ANO4: variants seen among roughly 807,000 people sequenced by gnomAD.
ANO4 encodes the protein anoctamin-4.
Under a neutral mutation model 141.9 loss-of-function variants are expected in ANO4, and 69 were observed. The observed-to-expected ratio is 0.49, with a 90% confidence interval of 0.40 to 0.59. The LOEUF (loss-of-function observed/expected upper bound fraction) is 0.59, where lower values mean the gene tolerates loss of function less well. ANO4 is among the 20% of genes least tolerant of loss of function. The pLI is 0.00. For missense variants in ANO4, 894 were observed against 1,162.2 expected (o/e 0.77, Z 3.36); for synonymous variants, 350 against 394.3 (o/e 0.89, Z 1.33).
intron 8 of ANO4, among the ~76,000 whole-genome samples, chr12:101,019,554 C>A (rs553755176): frequency 3.3e-5 from 5 of 152,296 alleles, no homozygotes; most frequent in Non-Finnish European, 7.4e-5. Context: ...AGACTGGCCT[C>A]TCACCTCACC....
chr12:100,775,987 G>C (rs2033488981), intron 3 of ANO4, among the ~76,000 whole-genome samples: 1 of 152,000 alleles, frequency 6.6e-6, no homozygotes, highest in African/African-American at 2.4e-5. Context: ...GCAGCACTGA[G>C]AAAAAAAGCT....
chr12:100,885,026 C>G (rs1345469487), intron 1 of ANO4, among the ~76,000 whole-genome samples: 1 of 152,222 alleles, frequency 6.6e-6, no homozygotes, highest in Non-Finnish European at 1.5e-5. Context: ...AGGGCTGCCA[C>G]ATCCCTAGAC....
intron 2 of ANO4, among the ~76,000 whole-genome samples, chr12:100,905,709 G>A (rs562268787): frequency 4.0e-4 from 61 of 152,258 alleles, no homozygotes; most frequent in Admixed American, 9.8e-4. Context: ...GCAGCAGCTG[G>A]AGGAGAAGTA....
chr12:100,851,255 ATCT>A (rs1475999766), intron 1 of ANO4, among the ~76,000 whole-genome samples: 1 of 152,152 alleles, frequency 6.6e-6, no homozygotes, highest in African/African-American at 2.4e-5. Flanking sequence ...GCACAATTAT[ATCT>A]TCTTGTTTAC....
At chr12:101,123,571 T>G (rs1193337324) in intron 26 of ANO4, among the ~76,000 whole-genome samples, 11 of 151,664 alleles carry the variant, frequency 7.3e-5, no homozygotes, top group Non-Finnish European at 1.5e-5. Flanking sequence ...ACATGTGGTA[T>G]TTGGTTTTCT....
At chr12:101,112,347 G>A (rs533089219) in intron 24 of ANO4, among the ~76,000 whole-genome samples, 27 of 152,202 alleles carry the variant, frequency 1.8e-4, no homozygotes, top group African/African-American at 5.8e-4. Context: ...GCAAAGCCAG[G>A]GCACGCTATA....
intron 1 of ANO4, chr12:100,717,690 T>C (rs2030665322): frequency 2.5e-6 from 1 of 394,760 alleles, no homozygotes. Context: ...TGCGCGCCGC[T>C]CCTGAGGGGC....
intron 15 of ANO4, 105 bp from the exon 16 acceptor site, chr12:101,083,573 T>C (rs1046845471): frequency 7.3e-7 from 1 of 1,365,006 alleles, no homozygotes; most frequent in African/African-American, 1.5e-5. Flanking sequence ...GACTAATTAG[T>C]GTGGCAGCTG....
chr12:101,027,508 T>C (rs1474094599), intron 9 of ANO4, among the ~76,000 whole-genome samples: 1 of 152,240 alleles, frequency 6.6e-6, no homozygotes, highest in Non-Finnish European at 1.5e-5. Flanking sequence ...CTCCAGGCCA[T>C]GCTTTTCCCC....
intron 9 of ANO4, among the ~76,000 whole-genome samples, chr12:101,024,992 A>G (rs1025110506): frequency 1.7e-4 from 26 of 152,234 alleles, no homozygotes; most frequent in Non-Finnish European, 1.0e-4. Context: ...GATCTAAAGC[A>G]TAGGTAGCAT....
intron 14 of ANO4, among the ~76,000 whole-genome samples, chr12:101,075,954 T>C (rs2136833472): frequency 6.6e-6 from 1 of 152,168 alleles, no homozygotes; most frequent in East Asian, 1.9e-4. Context: ...CTACGTTTCA[T>C]AGGTACAAAT....
intron 1 of ANO4, among the ~76,000 whole-genome samples, chr12:100,803,012 C>G (rs1477268210): frequency 6.6e-6 from 1 of 152,010 alleles, no homozygotes; most frequent in Non-Finnish European, 1.5e-5. Context: ...GTACTGTGAA[C>G]AAAAGTTATA....
chr12:100,933,043 A>C lies in ANO4; in HGVS notation c.161-6272A>C, dbSNP rs868076625. Among the ~76,000 whole-genome samples the C allele has an allele frequency of 3.4e-4, 51 of 151,792 alleles. 1 individual carries two copies. The highest frequency in any genetic ancestry group is 7.0e-3 in the Middle Eastern group (2 of 286). ...GTTCACACAGCCCTTCCTGGGTCTG[A>C]ATGAAATGCAGATCTATTACTTGAG... On this transcript the variant is annotated intron_variant, in intron 3 of 27. Transcript: ENST00000392977.
At chr12:101,121,677 T>C (rs1392035993) in intron 26 of ANO4, among the ~76,000 whole-genome samples, 1 of 152,008 alleles carries the variant, frequency 6.6e-6, no homozygotes, top group Non-Finnish European at 1.5e-5. Context: ...GTAGTTGGAC[T>C]AATTTACCTT....
At chr12:101,124,225 T>A (rs915762200) in intron 26 of ANO4, among the ~76,000 whole-genome samples, 3 of 152,220 alleles carry the variant, frequency 2.0e-5, no homozygotes, top group Admixed American at 2.0e-4. Flanking sequence ...TCAATAATGT[T>A]GAGCTTTTTT....
At chr12:100,911,712 T>G (rs2041110397) in intron 2 of ANO4, among the ~76,000 whole-genome samples, 1 of 152,080 alleles carries the variant, frequency 6.6e-6, no homozygotes, top group African/African-American at 2.4e-5. Flanking sequence ...TTTCTCCCTT[T>G]AAAGAGCAGT....
intron 3 of ANO4, among the ~76,000 whole-genome samples, chr12:100,761,765 C>A (rs2032867263): frequency 6.6e-6 from 1 of 152,170 alleles, no homozygotes; most frequent in Non-Finnish European, 1.5e-5. Context: ...CATGTGCCAA[C>A]CCTGCAAGCA....
intron 3 of ANO4, among the ~76,000 whole-genome samples, chr12:100,744,155 G>A (rs1015083176): frequency 2.6e-5 from 4 of 152,044 alleles, no homozygotes; most frequent in Non-Finnish European, 4.4e-5. Flanking sequence ...CTTTCAACCC[G>A]GATATATCCC....
At chr12:100,840,773 T>C (rs2037198731) in intron 1 of ANO4, among the ~76,000 whole-genome samples, 1 of 152,080 alleles carries the variant, frequency 6.6e-6, no homozygotes, top group Non-Finnish European at 1.5e-5. Flanking sequence ...GTGACAGAGG[T>C]AAAGACATTT....
Sources: allele counts gnomAD v4.1 joint callset (sites outside exome capture counted in the v4.1 genomes callset), GRCh38; gene constraint gnomAD v4.1.1; transcripts MANE v1.5; gene names NCBI Gene and HGNC (gene_info 2026-07-23, HGNC 2026-07-21).